POLR1C: variants seen among roughly 807,000 people sequenced by gnomAD.
POLR1C encodes DNA-directed RNA polymerases I and III subunit RPAC1.
POLR1C carries 42 observed loss-of-function variants against 38.3 expected under a neutral mutation model. That is an observed-to-expected ratio of 1.10 (90% CI 0.86 to 1.42). The LOEUF is 1.42. Among genes scored for constraint, POLR1C ranks in the 40% most tolerant of loss-of-function variants. The pLI, the probability that POLR1C is intolerant of heterozygous loss-of-function variation, is 0.00. For synonymous variants in POLR1C, 163 were observed against 163.9 expected (o/e 0.99, Z 0.04); for missense variants, 507 against 450.5 (o/e 1.13, Z -1.14).
chr6:43,547,852 G>A (rs915891775), intron 9 of POLR1C: 1 of 621,492 alleles, frequency 1.6e-6, no homozygotes, highest in African/African-American at 1.8e-5. Context: ...ATTGTCAGTT[G>A]TCATTTGAAG....
intron 2 of POLR1C, among the ~76,000 whole-genome samples, chr6:43,518,641 G>A (rs1443549932): frequency 6.6e-6 from 1 of 152,088 alleles, no homozygotes; most frequent in Non-Finnish European, 1.5e-5. Flanking sequence ...GAAGAAGAGT[G>A]GAGCTCAGAG....
chr6:43,528,168 C>G (rs758485336), intron 8 of POLR1C: 2 of 1,593,796 alleles, frequency 1.3e-6, no homozygotes, highest in Non-Finnish European at 1.7e-6. Flanking sequence ...CCACAGCAGG[C>G]TCCTTTGGTT....
chr6:43,524,736 G>T, downstream of POLR1C: 1 of 1,586,014 alleles, frequency 6.3e-7, no homozygotes, highest in Admixed American at 1.7e-5. Flanking sequence ...CCAGCAATTT[G>T]GCAGGTGCCT....
chr6:43,519,742 A>C lies in POLR1C; in HGVS notation c.286A>C (p.Asn96His). The C allele has an allele frequency of 1.2e-6, 2 of 1,614,162 alleles. No individual in the cohort carries two copies. The highest frequency in any genetic ancestry group is 1.7e-6 in the Non-Finnish European group (2 of 1,180,008). ...TMAVEKVLVY[N>H]NTSIVQDEIL... is the part of the protein sequence containing the mutation. ...GGCTGTGGAGAAGGTCCTGGTGTACAATAATACATCCATTGTTCAGGATGA... is the reference window on the plus strand; with the variant it reads ...GGCTGTGGAGAAGGTCCTGGTGTACCATAATACATCCATTGTTCAGGATGA... Residue 96 changes from asparagine to histidine, a missense_variant, in exon 4 of 9, where the codon AAT becomes CAT. Coordinates refer to ENST00000642195, the MANE Select transcript of POLR1C (RefSeq NM_203290.4).
At chr6:43,546,534 T>C (rs1207924524) in intron 9 of POLR1C, 75 of 1,569,254 alleles carry the variant, frequency 4.8e-5, no homozygotes, top group Non-Finnish European at 5.9e-5. Flanking sequence ...TAAGGTAAAG[T>C]AGAAAACAAC....
At chr6:43,537,340 G>A (rs1794403197) in intron 9 of POLR1C, among the ~76,000 whole-genome samples, 1 of 152,014 alleles carries the variant, frequency 6.6e-6, no homozygotes, top group Non-Finnish European at 1.5e-5. Context: ...GTCTTTTAAA[G>A]GCTAAACCTT....
chr6:43,526,324 G>A (rs904903121), downstream of POLR1C: 3 of 377,354 alleles, frequency 8.0e-6, no homozygotes, highest in African/African-American at 6.0e-5. Flanking sequence ...AAAACATAAT[G>A]TTGGGTAGTG....
chr6:43,525,936 T>G, downstream of POLR1C: 2 of 1,613,264 alleles, frequency 1.2e-6, no homozygotes, highest in South Asian at 1.1e-5. Flanking sequence ...TATCAGAGAG[T>G]AGAATGTTAA....
intron 9 of POLR1C, chr6:43,547,761 T>C: frequency 1.3e-6 from 2 of 1,522,930 alleles, no homozygotes; most frequent in Admixed American, 1.7e-5. Flanking sequence ...ACAAGGACAG[T>C]TTCTTCCACA....
In POLR1C at chr6:43,560,242, C is replaced by T. The variant is rs61762965; in HGVS notation, c.*49-1158C>T. ...TATTATTGCTAATAGCAAAGGATCA[C>T]GGGACAGGATTTCATGCCTGAAGAG... On this transcript the variant is annotated intron_variant, in intron 10 of 10. Coordinates refer to the POLR1C transcript ENST00000607635. 259 of 1,611,978 alleles carry T rather than the reference C, an allele frequency of 1.6e-4. No individual in the cohort carries two copies. The African/African-American group carries it at 2.7e-3, about 17-fold the overall frequency.
intron 9 of POLR1C, chr6:43,539,673 GC>G (rs988915260): frequency 4.3e-5 from 43 of 1,000,670 alleles, no homozygotes; most frequent in Middle Eastern, 3.1e-4. Flanking sequence ...GGGCCTCCAG[GC>G]CCCCCCACTG....
intron 10 of POLR1C, chr6:43,551,089 T>C (rs1364647009): frequency 3.4e-4 from 133 of 386,572 alleles, no homozygotes; most frequent in African/African-American, 2.1e-5. Flanking sequence ...TTAAAAATAG[T>C]TACAAAAATA....
Position 43,520,413 on chromosome 6 carries a change from G to T in POLR1C, c.641G>T (p.Cys214Phe). Residue 214 changes from cysteine to phenylalanine, a missense_variant, in exon 6 of 9, where the codon TGT (cysteine) becomes TTT (phenylalanine). By Grantham distance (205) the Cys-to-Phe change is radical. Coordinates refer to ENST00000642195, the MANE Select transcript of POLR1C (RefSeq NM_203290.4). ...PGQEIDLLMH[C>F]VKGIGKDHAK... ...CAAGAAATTGACCTGCTCATGCACT[G>T]TGTCAAGGGCATTGGTGAGAACCCT... The T allele has an allele frequency of 6.2e-7, 1 of 1,613,696 alleles. No homozygotes were observed. Among genetic ancestry groups the T allele is most frequent in the Non-Finnish European group, 8.5e-7 (1 of 1,180,034 alleles).
Position 43,521,290 on chromosome 6 carries a change from A to G in POLR1C, c.1031A>G (p.Gln344Arg), listed in dbSNP as rs1230537624. 3.7e-6 allele frequency: 6 copies of G among 1,612,222 alleles called. No individual in the cohort carries two copies. The highest frequency in any genetic ancestry group is 4.2e-6 in the Non-Finnish European group (5 of 1,180,014). The change falls in exon 9 of 9, where the codon CAG (glutamine) becomes CGG (arginine). Residue 344 changes from glutamine to arginine, a missense_variant. By Grantham distance (43) the Gln-to-Arg change is conservative (BLOSUM62 1). Coordinates refer to ENST00000642195, the MANE Select transcript of POLR1C (RefSeq NM_203290.4). ...TTCTTGGATGAACTAGATGCGGTTC[A>G]GATGGACTGAGCTTGGATGCTTCTG... Reference protein sequence around the residue: ...RRFLDELDAVQMD With the variant: ...RRFLDELDAVRMD
chr6:43,519,942 C>A, intron 4 of POLR1C, 104 bp downstream of exon 4: 2 of 1,536,524 alleles, frequency 1.3e-6, no homozygotes, highest in Non-Finnish European at 1.8e-6. Context: ...TGTCTTTCAT[C>A]TGTGAGAACA....
chr6:43,555,917 C>T (rs755688675), intron 10 of POLR1C: 3 of 1,613,934 alleles, frequency 1.9e-6, no homozygotes, highest in East Asian at 2.2e-5. Context: ...GTTTTGGGAT[C>T]CAAACGACAT....
intron 10 of POLR1C, among the ~76,000 whole-genome samples, chr6:43,552,169 T>C (rs1281447893): frequency 6.6e-6 from 1 of 151,952 alleles, no homozygotes; most frequent in East Asian, 1.9e-4. Flanking sequence ...GTGATTCTCC[T>C]GCCTCAGCCT....
chr6:43,560,228 A>G (rs1762347203), intron 10 of POLR1C: 3 of 1,612,648 alleles, frequency 1.9e-6, no homozygotes, highest in East Asian at 4.5e-5. Flanking sequence ...ATTATTGCTA[A>G]TAGCAAAGGA....
At chr6:43,551,445 A>G in intron 10 of POLR1C, 5 of 1,612,304 alleles carry the variant, frequency 3.1e-6, no homozygotes, top group Non-Finnish European at 3.4e-6. Context: ...CATCATTAAC[A>G]GGAATTTCCT....
Sources: allele counts gnomAD v4.1 joint callset (sites outside exome capture counted in the v4.1 genomes callset), GRCh38; gene constraint gnomAD v4.1.1; transcripts MANE v1.5; gene names NCBI Gene and HGNC (gene_info 2026-07-23, HGNC 2026-07-21).